The following FOXP1 variants were observed in gnomAD, a reference collection of about 807,000 sequenced individuals.
The protein encoded by FOXP1 is forkhead box P1, also known as forkhead box protein P1.
A neutral mutation model predicts 98.2 loss-of-function variants in FOXP1; 15 were observed. That is an observed-to-expected ratio of 0.15 (90% confidence interval 0.10 to 0.24). FOXP1 has a LOEUF of 0.24. FOXP1 is among the 10% of genes least tolerant of loss of function. FOXP1 has a pLI of 1.00. For missense variants in FOXP1, 633 were observed against 848.5 expected (o/e 0.75, Z 3.15); for synonymous variants, 371 against 314.5 (o/e 1.18, Z -1.90).
rs1161122706 is a variant in FOXP1, at chr3:70,965,811, G to A, written c.1889+79C>T. 9 of 1,401,348 alleles carry A rather than the reference G, an allele frequency of 6.4e-6. No homozygotes were observed. The East Asian group carries it at 2.1e-4, about 32-fold the overall frequency. 86.8% of individuals were successfully genotyped at this position (1,401,348 alleles called of 1,614,324 possible). A position where few individuals can be genotyped will look rare whatever the true frequency, so the allele number is the denominator to read the frequency against. On this transcript the variant is annotated intron_variant, in intron 20 of 20. Coordinates refer to ENST00000649528, the MANE Select transcript of FOXP1 (RefSeq NM_001349338.3). ...TTACAGAAAAGGTATATAAAGCCCA[G>A]AGAAAGGGCTGTCTCCCTGCGTGTA... is the stretch of plus-strand genomic sequence containing the variant.
intron 6 of FOXP1, among the ~76,000 whole-genome samples, chr3:71,166,163 T>C (rs1352379344): frequency 6.6e-6 from 1 of 152,158 alleles, no homozygotes; most frequent in Non-Finnish European, 1.5e-5. Flanking sequence ...GTGTAGTATG[T>C]GCAGGGAGTC....
intron 9 of FOXP1, among the ~76,000 whole-genome samples, chr3:71,048,183 T>A (rs1463305290): frequency 6.6e-6 from 1 of 152,144 alleles, no homozygotes; most frequent in East Asian, 1.9e-4. Context: ...AAGATCAGTG[T>A]TCCTAATTCT....
At chr3:71,124,409 A>T (rs1027705279) in intron 6 of FOXP1, among the ~76,000 whole-genome samples, 6 of 151,952 alleles carry the variant, frequency 3.9e-5, no homozygotes, top group African/African-American at 1.4e-4. Flanking sequence ...CCCAAATAAA[A>T]ACACCACAAT....
At chr3:71,349,389 C>T (rs2077622088) in intron 4 of FOXP1, among the ~76,000 whole-genome samples, 1 of 152,074 alleles carries the variant, frequency 6.6e-6, no homozygotes, top group Admixed American at 6.6e-5. Flanking sequence ...CCTTTTAATC[C>T]AAATTGCACA....
chr3:71,251,709 C>T (rs979817762), intron 5 of FOXP1, among the ~76,000 whole-genome samples: 2 of 152,104 alleles, frequency 1.3e-5, no homozygotes, highest in Non-Finnish European at 1.5e-5. Flanking sequence ...CAACAAAGTG[C>T]GTTGGAGTTA....
At chr3:71,468,502 C>T (rs1393163033) in intron 3 of FOXP1, among the ~76,000 whole-genome samples, 1 of 152,100 alleles carries the variant, frequency 6.6e-6, no homozygotes, top group Admixed American at 6.6e-5. Context: ...TGGAGAACAG[C>T]GGGGTGAACA....
At chr3:71,557,912 G>A (rs1206333351) in intron 2 of FOXP1, among the ~76,000 whole-genome samples, 1 of 152,074 alleles carries the variant, frequency 6.6e-6, no homozygotes, top group Non-Finnish European at 1.5e-5. Flanking sequence ...TGCCTCCCAG[G>A]TTCACGTGAT....
intron 4 of FOXP1, among the ~76,000 whole-genome samples, chr3:71,314,917 A>G (rs1012076988): frequency 6.6e-6 from 1 of 152,030 alleles, no homozygotes; most frequent in African/African-American, 2.4e-5. Flanking sequence ...CTGATTTAGG[A>G]TCTTAAACAG....
chr3:71,494,737 G>A (rs2091290663), intron 2 of FOXP1, among the ~76,000 whole-genome samples: 1 of 152,118 alleles, frequency 6.6e-6, no homozygotes, highest in South Asian at 2.1e-4. Flanking sequence ...GATCTGGAGT[G>A]GGCCTGAGAT....
chr3:71,405,248 G>A (rs146787637), intron 3 of FOXP1, among the ~76,000 whole-genome samples: 7 of 152,144 alleles, frequency 4.6e-5, no homozygotes, highest in Non-Finnish European at 8.8e-5. Flanking sequence ...TGCCATCCTC[G>A]CCTATGGAAA....
chr3:71,260,601 G>A (rs959445660), intron 5 of FOXP1, among the ~76,000 whole-genome samples: 9 of 150,268 alleles, frequency 6.0e-5, no homozygotes, highest in African/African-American at 2.0e-4. Context: ...GGAGTGCAAC[G>A]GGGTGATCTG....
chr3:71,140,199 T>A (rs2060002536), intron 6 of FOXP1, among the ~76,000 whole-genome samples: 1 of 152,184 alleles, frequency 6.6e-6, no homozygotes, highest in African/African-American at 2.4e-5. Context: ...TGGTAAGATA[T>A]CTTAGAGATG....
At chr3:71,502,110 T>C (rs996917605) in intron 2 of FOXP1, among the ~76,000 whole-genome samples, 9 of 152,210 alleles carry the variant, frequency 5.9e-5, no homozygotes, top group Non-Finnish European at 1.3e-4. Flanking sequence ...TTAAGAATCA[T>C]GGGAACTCCA....
At chr3:71,097,379 G>C (rs576905553) in intron 7 of FOXP1, among the ~76,000 whole-genome samples, 2 of 152,102 alleles carry the variant, frequency 1.3e-5, no homozygotes, top group Non-Finnish European at 2.9e-5. Context: ...AAAAAACAGA[G>C]TAAGTAGTTG....
At chr3:70,990,919 C>T (rs1310240860) in intron 13 of FOXP1, among the ~76,000 whole-genome samples, 1 of 152,116 alleles carries the variant, frequency 6.6e-6, no homozygotes, top group East Asian at 1.9e-4. Flanking sequence ...TTTTTAATTA[C>T]CAAGTTTCTC....
intron 4 of FOXP1, among the ~76,000 whole-genome samples, chr3:71,302,513 T>TAAAAAAA (rs34872613): frequency 7.6e-6 from 1 of 131,804 alleles, no homozygotes; most frequent in Non-Finnish European, 1.6e-5. Flanking sequence ...AGCTTTTATG[T>TAAAAAAA]AAAAAAAAAA....
At chr3:71,018,782 A>C (rs1049463066) in intron 11 of FOXP1, among the ~76,000 whole-genome samples, 2 of 152,216 alleles carry the variant, frequency 1.3e-5, no homozygotes, top group Non-Finnish European at 2.9e-5. Context: ...AGTAGCAGGG[A>C]AACTCAGTTT....
chr3:71,176,743 CAAAAAAAAAAAA>C (rs573639526), intron 6 of FOXP1, among the ~76,000 whole-genome samples: 7 of 75,520 alleles, frequency 9.3e-5, no homozygotes, highest in South Asian at 6.2e-4. Context: ...GAGGCTATCT[CAAAAAAAAAAAA>C]AAAAAAAAAA....
At chr3:71,320,629 G>A (rs1055009271) in intron 4 of FOXP1, among the ~76,000 whole-genome samples, 1 of 152,012 alleles carries the variant, frequency 6.6e-6, no homozygotes, top group African/African-American at 2.4e-5. Context: ...TATTATAATG[G>A]TCTATTTAAT....
Sources: gnomAD v4.1 joint callset for allele counts (sites outside exome capture counted in the v4.1 genomes callset) on GRCh38, gnomAD v4.1.1 for gene constraint, MANE v1.5 for transcripts, NCBI Gene and HGNC (gene_info 2026-07-23, HGNC 2026-07-21) for gene names.